Variants in PLEKHG4B observed in about 807,000 individuals in gnomAD.
PLEKHG4B encodes the protein pleckstrin homology domain-containing family G member 4B.
A neutral mutation model predicts 121.3 loss-of-function variants in PLEKHG4B; 111 were observed. The ratio of observed to expected loss-of-function variants is 0.92; its 90% CI spans 0.78 to 1.07. The LOEUF (loss-of-function observed/expected upper bound fraction) is 1.07. Ranked by LOEUF, PLEKHG4B falls within the 50% of genes least tolerant of loss-of-function variation. The probability of loss-of-function intolerance (pLI) is 0.00; values close to 1 mark genes in which losing one functional copy is unlikely to be tolerated. For missense variants in PLEKHG4B, 1,831 were observed against 1,757.8 expected, an observed-to-expected ratio of 1.04 and a Z score of -0.74; for synonymous variants, 738 against 725.0, an observed-to-expected ratio of 1.02 and a Z score of -0.29.
chr5:116,182 G>C (rs1734302037), intron 2 of PLEKHG4B, among the ~76,000 whole-genome samples: 1 of 152,136 alleles, frequency 6.6e-6, no homozygotes, highest in African/African-American at 2.4e-5. Context: ...TGTGTCTTAG[G>C]GAATAGGGAG....
In PLEKHG4B at chr5:146,910, CTCT is replaced by C. The variant is rs550252751; in HGVS notation, c.1905+1995_1905+1997del. On this transcript the variant is annotated intron_variant, in intron 6 of 19. Transcript: ENST00000637938. ...TTCTTCTTACTTTCGCAGTACGTGG[CTCT>C]TCTTAGAAAATGTCAGTGTCCTACC... 9.2e-5 allele frequency among the ~76,000 whole-genome samples: 14 copies of C among 152,078 alleles called. No individual in the cohort carries two copies. The South Asian group carries it at 2.7e-3, about 29-fold the overall frequency.
At chr5:112,860 C>G (rs1734197245) in intron 1 of PLEKHG4B, among the ~76,000 whole-genome samples, 1 of 152,172 alleles carries the variant, frequency 6.6e-6, no homozygotes, top group Admixed American at 6.5e-5. Context: ...CCGCAGGACT[C>G]ACAGCCCCAC....
chr5:102,450 C>T (rs1733849346), intron 1 of PLEKHG4B, among the ~76,000 whole-genome samples: 1 of 152,040 alleles, frequency 6.6e-6, no homozygotes, highest in African/African-American at 2.4e-5. Flanking sequence ...ATAATAAAAG[C>T]AAGATATTTT....
In PLEKHG4B at chr5:165,618, C is replaced by T. The variant is rs200956843; in HGVS notation, c.3476+2070C>T. Among the ~76,000 whole-genome samples, 6 of 38,508 alleles carry T rather than the reference C, an allele frequency of 1.6e-4. 1 individual carries two copies. In the East Asian group the frequency reaches 2.4e-3, roughly 16 times the overall value. 25.3% of individuals were successfully genotyped at this position (38,508 alleles called of 152,430 possible). A position where few individuals can be genotyped will look rare whatever the true frequency, so the allele number is the denominator to read the frequency against. On this transcript the variant is annotated intron_variant, in intron 13 of 19. Transcript: ENST00000637938. ...GGCTCACACTAATGCTCTGACGGGGCGGAGCTCACACTAATGCTCTGATGT... is the reference window on the plus strand; with the variant it reads ...GGCTCACACTAATGCTCTGACGGGGTGGAGCTCACACTAATGCTCTGATGT...
At chr5:180,248 G>T (rs1736889892) in intron 18 of PLEKHG4B, among the ~76,000 whole-genome samples, 1 of 152,122 alleles carries the variant, frequency 6.6e-6, no homozygotes, top group Admixed American at 6.5e-5. Flanking sequence ...GCACTCCGGG[G>T]AGGGACTGCA....
intron 2 of PLEKHG4B, among the ~76,000 whole-genome samples, chr5:120,824 C>T (rs1734444191): frequency 1.3e-5 from 2 of 152,112 alleles, no homozygotes; most frequent in South Asian, 2.1e-4. Flanking sequence ...AAACAGACCA[C>T]CCAGGTGTTG....
At position 164,782 on chromosome 5, in the gene PLEKHG4B, T is replaced by A. The variant is rs1220157678; in HGVS notation, c.3476+1234T>A. Among the ~76,000 whole-genome samples the A allele has an allele frequency of 9.8e-5, 11 of 112,706 alleles. No individual in the cohort carries two copies. The Admixed American group carries it at 1.0e-3, about 11-fold the overall frequency. 73.9% of individuals were successfully genotyped at this position (112,706 alleles called of 152,430 possible). On this transcript the variant is annotated intron_variant, in intron 13 of 19. Transcript: ENST00000637938. ...TCCTCTGACGGGGCGGAGCTCACAC[T>A]AATGCTCTGACGGGGCGGAGCTCAC...
Position 171,145 on chromosome 5 carries a change from G to A in PLEKHG4B, c.3819+13G>A, listed in dbSNP as rs371596097. ...CGCCTTCTTCAAGGTCATCCCCCTC[G>A]GCCCGCCCCCCACAGCCTGCCCGGC... On this transcript the variant is annotated intron_variant, in intron 15 of 19. Coordinates refer to ENST00000637938, the MANE Select transcript of PLEKHG4B (RefSeq NM_052909.5). The A allele has an allele frequency of 1.1e-4, 176 of 1,610,968 alleles. No homozygotes were observed. In the African/African-American group the frequency reaches 1.8e-3, roughly 16 times the overall value.
rs912879496 is a variant in PLEKHG4B, at chr5:143,541, G to A, written c.1811+38G>A. On this transcript the variant is annotated intron_variant, in intron 5 of 19. Transcript: ENST00000637938. ...GCAAGGCCGCACCCTGCAGACCCATGGGACCCCAGCTGCATGTGTGTGGCA... is the reference window on the plus strand; with the variant it reads ...GCAAGGCCGCACCCTGCAGACCCATAGGACCCCAGCTGCATGTGTGTGGCA... 18 of 1,604,020 alleles carry A rather than the reference G, an allele frequency of 1.1e-5. 1 individual carries two copies. Among genetic ancestry groups the A allele is most frequent in the East Asian group, 4.5e-5 (2 of 44,680 alleles).
At chr5:179,444 AC>A (rs1429657061) in intron 18 of PLEKHG4B, 1 of 152,392 alleles carries the variant, frequency 6.6e-6, no homozygotes, top group Non-Finnish European at 1.5e-5. Flanking sequence ...ATGCTGAGGG[AC>A]CCCCACATAC....
In PLEKHG4B at chr5:164,709, C is replaced by CG. The variant is rs1553990121; in HGVS notation, c.3476+1165dup. On this transcript the variant is annotated intron_variant, in intron 13 of 19. Transcript: ENST00000637938. ...GGCGGAGCTCACACTAATGCTCTGA[C>CG]GGGGCGGAGCTCACACTAATACTCT... 3.1e-5 allele frequency among the ~76,000 whole-genome samples: 2 copies of CG among 65,282 alleles called. 1 individual carries two copies. Among genetic ancestry groups the CG allele is most frequent in the Non-Finnish European group, 5.8e-5 (2 of 34,332 alleles). 42.8% of individuals were successfully genotyped at this position (65,282 alleles called of 152,430 possible).
intron 18 of PLEKHG4B, among the ~76,000 whole-genome samples, chr5:181,182 G>C (rs1159823846): frequency 6.6e-6 from 1 of 152,156 alleles, no homozygotes; most frequent in Non-Finnish European, 1.5e-5. Context: ...TCTGACCCCT[G>C]CTCTAATTGG....
chr5:138,771 G>A (rs1297276292), intron 2 of PLEKHG4B, among the ~76,000 whole-genome samples: 1 of 152,246 alleles, frequency 6.6e-6, no homozygotes. Flanking sequence ...TAGGCCCCAA[G>A]ATGTTTACTG....
rs1248724111 is a variant in PLEKHG4B at position 188,697 on chromosome 5, C to A, written c.*6374C>A. 6.6e-6 allele frequency: 1 copy of A among 152,290 alleles called. No homozygotes were observed. Among genetic ancestry groups the A allele is most frequent in the Non-Finnish European group, 1.5e-5 (1 of 68,068 alleles). 9.4% of individuals were successfully genotyped at this position (152,290 alleles called of 1,614,324 possible). On this transcript the variant is annotated 3_prime_UTR_variant, in exon 20 of 20. Transcript: ENST00000637938. ...CCATGACACCAGCTGGGTGGAGCTGCCGCCGAGTCCACGCCCCGTCTGGCT... is the reference window on the plus strand; with the variant it reads ...CCATGACACCAGCTGGGTGGAGCTGACGCCGAGTCCACGCCCCGTCTGGCT...
intron 12 of PLEKHG4B, among the ~76,000 whole-genome samples, chr5:162,165 G>A (rs1006128614): frequency 2.6e-5 from 4 of 152,212 alleles, no homozygotes; most frequent in Non-Finnish European, 2.9e-5. Flanking sequence ...CCAGCCAAAC[G>A]AACACACACA....
In PLEKHG4B at chr5:143,449, A is replaced by G. The variant is rs1456089863; in HGVS notation, c.1757A>G (p.His586Arg). 1.6e-5 allele frequency: 26 copies of G among 1,612,600 alleles called. No individual in the cohort carries two copies. The highest frequency in any genetic ancestry group is 2.1e-5 in the Non-Finnish European group (25 of 1,179,958). ...RTRSLLWTRE[H>R]SSCAELTRLL... ...AGGAGCCTGCTCTGGACCAGGGAAC[A>G]CTCGTCCTGTGCTGAGCTGACCCGC... Residue 586 changes from histidine to arginine, a missense_variant, in exon 5 of 20, where the codon CAC becomes CGC. Transcript: ENST00000637938.
At chr5:153,573 C>T (rs1167420887) in intron 7 of PLEKHG4B, among the ~76,000 whole-genome samples, 1 of 152,238 alleles carries the variant, frequency 6.6e-6, no homozygotes, top group Admixed American at 6.5e-5. Flanking sequence ...ACAGCTGCCG[C>T]CTTCTGGGAA....
intron 11 of PLEKHG4B, among the ~76,000 whole-genome samples, chr5:161,546 C>T (rs949710325): frequency 2.8e-4 from 43 of 152,106 alleles, no homozygotes; most frequent in African/African-American, 5.8e-4. Flanking sequence ...GTGACTTCTT[C>T]GCATGTTTAA....
intron 15 of PLEKHG4B, 31 bp from the exon 16 acceptor site, chr5:171,183 C>T (rs74765264): frequency 0.1 from 167,614 of 1,602,902 alleles, 9,886 homozygotes; most frequent in Non-Finnish European, 0.11. Context: ...TCAGCCAGGC[C>T]GGAGCTGACC....
Sources: allele counts gnomAD v4.1 joint callset (sites outside exome capture counted in the v4.1 genomes callset), GRCh38; gene constraint gnomAD v4.1.1; transcripts MANE v1.5; gene names NCBI Gene and HGNC (gene_info 2026-07-23, HGNC 2026-07-21).